Variants in ADNP2 observed in about 807,000 individuals in gnomAD.
ADNP2 encodes ADNP homeobox 2, also known as activity-dependent neuroprotector homeobox protein 2.
ADNP2 carries 8 observed loss-of-function variants against 16.4 expected under a neutral mutation model. The observed-to-expected ratio is 0.49, with a 90% CI of 0.29 to 0.88. ADNP2 has a LOEUF of 0.88. ADNP2 is among the 40% of genes least tolerant of loss of function. ADNP2 has a pLI of 0.09. For missense variants in ADNP2, 1,397 were observed against 1,395.1 expected (o/e 1.00, Z -0.02); for synonymous variants, 637 against 545.8 (o/e 1.17, Z -2.33).
rs1463326700 is a variant in ADNP2, at chr18:80,138,197, G to A, written c.2784G>A (p.Leu928=). 6.2e-7 allele frequency: 1 copy of A among 1,614,122 alleles called. No individual in the cohort carries two copies. The highest frequency in any genetic ancestry group is 8.5e-7 in the Non-Finnish European group (1 of 1,180,034). The change falls in exon 4 of 4, where the codon CTG becomes CTA. Residue 928 remains leucine, a synonymous_variant. Transcript: ENST00000262198. ...CCGVYTGNMT[L]AAIAVHLVRC... ...GGGTCTACACGGGAAATATGACCCT[G>A]GCTGCCATCGCCGTCCATTTGGTGC...
In ADNP2 at chr18:80,139,392, C is replaced by T. The variant is rs935802198; in HGVS notation, c.*583C>T. ...AGATCTGTATTTTTTTAGGTTTATC[C>T]TAATAGCTGTTTTTTTTTTTAACCA... On this transcript the variant is annotated 3_prime_UTR_variant, in exon 4 of 4. Coordinates refer to ENST00000262198, the MANE Select transcript of ADNP2 (RefSeq NM_014913.4). 5.6e-5 allele frequency: 5 copies of T among 89,320 alleles called. No individual in the cohort carries two copies. Among genetic ancestry groups the T allele is most frequent in the East Asian group, 2.7e-4 (1 of 3,694 alleles). 5.5% of individuals were successfully genotyped at this position (89,320 alleles called of 1,614,324 possible).
At position 80,137,167 on chromosome 18, in the gene ADNP2, G is replaced by T. The variant is rs773368425; in HGVS notation, c.1754G>T (p.Gly585Val). ...ILPVNQPVRPGASQNTTFLTS... is the reference protein window; with the variant it reads ...ILPVNQPVRPVASQNTTFLTS... Reference sequence around the variant, plus strand: ...CCTGTGAATCAGCCAGTGAGACCTGGTGCTTCGCAGAACACCACCTTCCTG... The same window carrying T: ...CCTGTGAATCAGCCAGTGAGACCTGTTGCTTCGCAGAACACCACCTTCCTG... Residue 585 changes from glycine to valine, a missense_variant, in exon 4 of 4, where the codon GGT becomes GTT. Physicochemically the swap from Gly to Val is moderately radical, Grantham distance 109. This residue lies in a region of ADNP2 where 777 missense variants were observed against 719.4 expected (regional missense o/e 1.08). Coordinates refer to ENST00000262198, the MANE Select transcript of ADNP2 (RefSeq NM_014913.4). This position sits in a 1 kb window ranked among gnomAD's most constrained non-coding sequence, Gnocchi z 4.2. 2 of 1,614,100 alleles carry T rather than the reference G, an allele frequency of 1.2e-6. No homozygotes were observed. The highest frequency in any genetic ancestry group is 1.3e-5 in the African/African-American group (1 of 74,924).
At chr18:80,127,300 G>A (rs1190460574) in intron 2 of ADNP2, among the ~76,000 whole-genome samples, 2 of 144,776 alleles carry the variant, frequency 1.4e-5, no homozygotes, top group Non-Finnish European at 3.0e-5. Context: ...CCTTGATACT[G>A]TCCCATAGCT....
chr18:80,128,250 G>T (rs1450776315), intron 2 of ADNP2, among the ~76,000 whole-genome samples: 1 of 152,180 alleles, frequency 6.6e-6, no homozygotes, highest in African/African-American at 2.4e-5. Flanking sequence ...ATTTCTGTTT[G>T]TTTCAGATAT....
Position 80,138,886 on chromosome 18 carries a change from T to A in ADNP2, c.*77T>A. On this transcript the variant is annotated 3_prime_UTR_variant, in exon 4 of 4. Coordinates refer to ENST00000262198, the MANE Select transcript of ADNP2 (RefSeq NM_014913.4). ...CAGTTGAAATTTCACAGTGTTGTCC[T>A]CACTGTGTTGGTGAATCAACCTCAG... The A allele has an allele frequency of 2.3e-6, 3 of 1,297,224 alleles. No homozygotes were observed. The highest frequency in any genetic ancestry group is 1.6e-5 in the South Asian group (1 of 60,664). The allele number at this position is 1,297,224 out of a possible 1,614,324, so 80.4% of individuals were successfully genotyped here.
intron 3 of ADNP2, among the ~76,000 whole-genome samples, chr18:80,134,235 T>C (rs774387349): frequency 5.3e-5 from 8 of 152,148 alleles, no homozygotes; most frequent in Non-Finnish European, 1.0e-4. Flanking sequence ...TATCTCGTAA[T>C]GTAACTCCAG....
rs2052555460 is a variant in ADNP2, at chr18:80,138,159, A to C, written c.2746A>C (p.Ile916Leu). The change falls in exon 4 of 4, where the codon ATC (isoleucine) becomes CTC (leucine). Residue 916 changes from isoleucine (I) to leucine (L), a missense_variant. Coordinates refer to ENST00000262198, the MANE Select transcript of ADNP2 (RefSeq NM_014913.4). ...CCTGAAGTCTCCCGCCTTCAAGTGC[A>C]TCCACTGCTGTGGGGTCTACACGGG... is the stretch of plus-strand genomic sequence containing the variant. ...TVLKSPAFKCIHCCGVYTGNM... is the reference protein window; with the variant it reads ...TVLKSPAFKCLHCCGVYTGNM... 1.2e-6 allele frequency: 2 copies of C among 1,614,032 alleles called. No individual in the cohort carries two copies. The highest frequency in any genetic ancestry group is 1.7e-6 in the Non-Finnish European group (2 of 1,180,050).
chr18:80,131,704 A>G (rs2052497789), intron 2 of ADNP2, among the ~76,000 whole-genome samples: 1 of 152,180 alleles, frequency 6.6e-6, no homozygotes, highest in South Asian at 2.1e-4. Context: ...TTGCAGGGAC[A>G]TGGATGAAGC....
chr18:80,113,132 G>A (rs2052368043), intron 1 of ADNP2, among the ~76,000 whole-genome samples: 1 of 152,212 alleles, frequency 6.6e-6, no homozygotes, highest in South Asian at 2.1e-4. Flanking sequence ...TCTTGTGTGA[G>A]AGTGTAAGCT....
intron 2 of ADNP2, among the ~76,000 whole-genome samples, chr18:80,118,834 A>T (rs898368797): frequency 6.6e-6 from 1 of 152,218 alleles, no homozygotes; most frequent in African/African-American, 2.4e-5. Flanking sequence ...TTCACAAGGG[A>T]AAATTAAGAG....
chr18:80,112,828 T>C (rs1296396152), intron 1 of ADNP2, among the ~76,000 whole-genome samples: 3 of 152,210 alleles, frequency 2.0e-5, no homozygotes, highest in Non-Finnish European at 4.4e-5. Flanking sequence ...GCTCTGGCTG[T>C]GTGAGTTGAG....
At chr18:80,124,817 C>A (rs1288883630) in intron 2 of ADNP2, among the ~76,000 whole-genome samples, 5 of 152,114 alleles carry the variant, frequency 3.3e-5, no homozygotes, top group Non-Finnish European at 5.9e-5. Flanking sequence ...ACTCTTAATT[C>A]TAGATATTTC....
intron 2 of ADNP2, 28 bp from the exon 3 acceptor site, chr18:80,133,075 A>G (rs1175959497): frequency 4.2e-6 from 6 of 1,428,470 alleles, no homozygotes; most frequent in Non-Finnish European, 9.8e-7. Context: ...AATTTACATA[A>G]TCTCTTTTTT....
At chr18:80,113,500 A>G (rs558946146) in intron 1 of ADNP2, among the ~76,000 whole-genome samples, 1 of 151,846 alleles carries the variant, frequency 6.6e-6, no homozygotes, top group Non-Finnish European at 1.5e-5. Flanking sequence ...TACCTCAATA[A>G]TTTTTTGATG....
intron 2 of ADNP2, among the ~76,000 whole-genome samples, chr18:80,129,260 C>T (rs2052481002): frequency 1.3e-5 from 2 of 151,878 alleles, no homozygotes; most frequent in Non-Finnish European, 2.9e-5. Context: ...CCCGCCACCA[C>T]GCCCAGCTAG....
At chr18:80,125,915 A>G (rs1030799790) in intron 2 of ADNP2, among the ~76,000 whole-genome samples, 1 of 152,212 alleles carries the variant, frequency 6.6e-6, no homozygotes, top group Non-Finnish European at 1.5e-5. Flanking sequence ...AGGATTGAGT[A>G]GTTGTATGAG....
rs923577982 is a variant in ADNP2, at chr18:80,130,423, C to G, written c.109-2680C>G. On this transcript the variant is annotated intron_variant, in intron 2 of 3. Coordinates refer to ENST00000262198, the MANE Select transcript of ADNP2 (RefSeq NM_014913.4). ...ACTTTTAAATAAGTGAGCTATGCTGCACAGGTAAAGAAAGTGTTTTGTATG... is the reference window on the plus strand; with the variant it reads ...ACTTTTAAATAAGTGAGCTATGCTGGACAGGTAAAGAAAGTGTTTTGTATG... 3.9e-5 allele frequency among the ~76,000 whole-genome samples: 6 copies of G among 152,274 alleles called. No individual in the cohort carries two copies. In the South Asian group the frequency reaches 1.2e-3, roughly 32 times the overall value.
At position 80,137,578 on chromosome 18, in the gene ADNP2, A is replaced by C. The variant is rs1474369876; in HGVS notation, c.2165A>C (p.Lys722Thr). The C allele has an allele frequency of 6.2e-7, 1 of 1,614,220 alleles. No individual in the cohort carries two copies. The highest frequency in any genetic ancestry group is 8.5e-7 in the Non-Finnish European group (1 of 1,180,030). Reference protein sequence around the residue: ...MEVAHKHSESKSGEKLEPEKL... With the variant: ...MEVAHKHSESTSGEKLEPEKL... ...GTAGCGCATAAGCACAGCGAGTCCA[A>C]GTCTGGTGAGAAACTTGAGCCTGAA... Residue 722 changes from lysine to threonine, a missense_variant, in exon 4 of 4, where the codon AAG becomes ACG. By Grantham distance (78) the Lys-to-Thr change is moderately conservative. This residue lies in a region of ADNP2 where 611 missense variants were observed against 648.7 expected (regional missense o/e 0.94). Transcript: ENST00000262198. This position sits in a 1 kb window ranked among gnomAD's most constrained non-coding sequence, Gnocchi z 4.2.
At chr18:80,113,085 C>G (rs1179601696) in intron 1 of ADNP2, among the ~76,000 whole-genome samples, 1 of 152,136 alleles carries the variant, frequency 6.6e-6, no homozygotes, top group African/African-American at 2.4e-5. Flanking sequence ...TGACCTTGAG[C>G]TTAGTGTTTA....
Sources: gnomAD v4.1 joint callset for allele counts (sites outside exome capture counted in the v4.1 genomes callset) on GRCh38, gnomAD v4.1.1 for gene constraint, gnomAD v4.1.1 regional missense constraint, Gnocchi (gnomAD v3.1) non-coding constraint, MANE v1.5 for transcripts, NCBI Gene and HGNC (gene_info 2026-07-23, HGNC 2026-07-21) for gene names.